Variants in INPP5F observed in about 807,000 individuals in gnomAD.
INPP5F encodes phosphatidylinositide 4-phosphatase SAC2.
Under a neutral mutation model 137.2 loss-of-function variants are expected in INPP5F, and 97 were observed. The ratio of observed to expected loss-of-function variants is 0.71; its 90% CI spans 0.60 to 0.84. INPP5F has a LOEUF of 0.84. Among genes scored for constraint, INPP5F ranks in the 40% least tolerant of loss-of-function variants. INPP5F has a pLI of 0.00. For missense variants in INPP5F, 1,271 were observed against 1,371.9 expected, an observed-to-expected ratio of 0.93 and a Z score of 1.16; for synonymous variants, 504 against 476.9, an observed-to-expected ratio of 1.06 and a Z score of -0.74.
At chr10:119,745,082 T>C (rs1026548996) in intron 1 of INPP5F, among the ~76,000 whole-genome samples, 6 of 152,166 alleles carry the variant, frequency 3.9e-5, no homozygotes, top group East Asian at 1.9e-4. Context: ...AAAAGGGTAT[T>C]GAATGAGGAG....
At chr10:119,739,515 A>G (rs1461896152) in intron 1 of INPP5F, among the ~76,000 whole-genome samples, 3 of 152,234 alleles carry the variant, frequency 2.0e-5, no homozygotes, top group Admixed American at 6.5e-5. Context: ...TTGTTCAATA[A>G]CTATTGAATG....
intron 16 of INPP5F, 85 bp from the exon 17 acceptor site, chr10:119,822,344 AAC>A: frequency 4.8e-6 from 3 of 621,646 alleles, no homozygotes; most frequent in Non-Finnish European, 8.5e-6. Context: ...AACTGTATGT[AAC>A]AGTTTGCAGC....
In INPP5F at chr10:119,726,203, G is replaced by T; in HGVS notation, c.-60G>T. On this transcript the variant is annotated 5_prime_UTR_variant, in exon 1 of 20. Coordinates refer to ENST00000650623, the MANE Select transcript of INPP5F (RefSeq NM_014937.4). ...GGCGCGGGCTCTGGCGGCCTCGACC[G>T]ACTAGGACGCCCCGTGCGCCGCCCG... 2 of 1,158,792 alleles carry T rather than the reference G, an allele frequency of 1.7e-6. No homozygotes were observed. The highest frequency in any genetic ancestry group is 1.9e-5 in the South Asian group (1 of 52,446). 71.8% of individuals were successfully genotyped at this position (1,158,792 alleles called of 1,614,324 possible). A position where few individuals can be genotyped will look rare whatever the true frequency, so the allele number is the denominator to read the frequency against.
chr10:119,782,906 G>A (rs1201175970), intron 3 of INPP5F, among the ~76,000 whole-genome samples: 8 of 152,032 alleles, frequency 5.3e-5, no homozygotes, highest in African/African-American at 1.9e-4. Context: ...TTGGGGACAG[G>A]GTTAAATTGC....
rs970690831 is a variant in INPP5F at position 119,828,199 on chromosome 10, A to G, written c.*419A>G. 1 of 155,512 alleles carries G rather than the reference A, an allele frequency of 6.4e-6. No individual in the cohort carries two copies. The highest frequency in any genetic ancestry group is 2.4e-5 in the African/African-American group (1 of 41,490). 9.6% of individuals were successfully genotyped at this position (155,512 alleles called of 1,614,324 possible). ...GTGTGTTCTTACCTCTACAAAGTAA[A>G]TTACACATTTAGTTTTTAGTGACTT... On this transcript the variant is annotated 3_prime_UTR_variant, in exon 20 of 20. Coordinates refer to ENST00000650623, the MANE Select transcript of INPP5F (RefSeq NM_014937.4).
intron 2 of INPP5F, among the ~76,000 whole-genome samples, chr10:119,773,717 C>G (rs1293867961): frequency 1.3e-5 from 2 of 152,026 alleles, no homozygotes; most frequent in African/African-American, 4.8e-5. Context: ...GCTCTGTCTC[C>G]AATGTTGGGT....
intron 6 of INPP5F, among the ~76,000 whole-genome samples, chr10:119,795,732 G>A (rs960667782): frequency 6.6e-6 from 1 of 152,112 alleles, no homozygotes; most frequent in African/African-American, 2.4e-5. Flanking sequence ...CAGGCTGCTG[G>A]GAGGTGGAGG....
At chr10:119,792,567 G>GT (rs397847812) in intron 6 of INPP5F, among the ~76,000 whole-genome samples, 23,654 of 124,554 alleles carry the variant, frequency 0.19, 2,285 homozygotes, top group Middle Eastern at 0.26. Flanking sequence ...AATGGTACCA[G>GT]TTTTTTTTTT....
At position 119,811,868 on chromosome 10, in the gene INPP5F, G is replaced by C. The variant is rs756640286; in HGVS notation, c.1799G>C (p.Ser600Thr). 6.2e-7 allele frequency: 1 copy of C among 1,614,150 alleles called. No homozygotes were observed. Among genetic ancestry groups the C allele is most frequent in the Non-Finnish European group, 8.5e-7 (1 of 1,179,986 alleles). ...CAGAGAAGCCACCAGGAACTAATTAGCCAGCTCTTACAAAGTTACATGAAG... is the reference window on the plus strand; with the variant it reads ...CAGAGAAGCCACCAGGAACTAATTACCCAGCTCTTACAAAGTTACATGAAG... Reference protein sequence around the residue: ...ENQRSHQELISQLLQSYMKLL... With the variant: ...ENQRSHQELITQLLQSYMKLL... The change falls in exon 15 of 20, where the codon AGC (serine) becomes ACC (threonine). Residue 600 changes from serine (S) to threonine (T), a missense_variant. Transcript: ENST00000650623.
intron 1 of INPP5F, among the ~76,000 whole-genome samples, chr10:119,744,348 T>C (rs932587029): frequency 6.6e-6 from 1 of 152,232 alleles, no homozygotes; most frequent in Non-Finnish European, 1.5e-5. Flanking sequence ...AAGACGACTT[T>C]GACTCCTGTT....
At chr10:119,807,228 G>A (rs1404332631) in intron 12 of INPP5F, among the ~76,000 whole-genome samples, 1 of 152,116 alleles carries the variant, frequency 6.6e-6, no homozygotes, top group African/African-American at 2.4e-5. Context: ...AGCCCAGATC[G>A]TGCCACTGCA....
intron 3 of INPP5F, among the ~76,000 whole-genome samples, chr10:119,788,861 A>G (rs1850021675): frequency 6.6e-6 from 1 of 152,198 alleles, no homozygotes; most frequent in South Asian, 2.1e-4. Context: ...GCTGTTGCAC[A>G]TTTACTTGAA....
At chr10:119,728,150 C>T (rs1468615738) in intron 1 of INPP5F, among the ~76,000 whole-genome samples, 1 of 152,184 alleles carries the variant, frequency 6.6e-6, no homozygotes, top group Non-Finnish European at 1.5e-5. Flanking sequence ...TAGCTATAGC[C>T]TTTGCACTTG....
rs983811887 is a variant in INPP5F at position 119,827,243 on chromosome 10, G to A, written c.2862G>A (p.Lys954=). 22 of 1,614,020 alleles carry A rather than the reference G, an allele frequency of 1.4e-5. No homozygotes were observed. In the African/African-American group the frequency reaches 2.5e-4, roughly 19 times the overall value. ...TACACATATTGACTGGCTTTGCCAA[G>A]CCTATGGATATTTACTGCCACAGAT... ...GDVHILTGFA[K]PMDIYCHRFV... is the part of the protein sequence containing the mutation. Residue 954 remains lysine (K), a synonymous_variant, in exon 20 of 20, where the codon AAG becomes AAA. Coordinates refer to ENST00000650623, the MANE Select transcript of INPP5F (RefSeq NM_014937.4).
intron 3 of INPP5F, among the ~76,000 whole-genome samples, chr10:119,782,345 G>T (rs1421830239): frequency 6.6e-6 from 1 of 152,146 alleles, no homozygotes; most frequent in Non-Finnish European, 1.5e-5. Context: ...TTACCACAAG[G>T]TGCTGCCTCC....
intron 2 of INPP5F, among the ~76,000 whole-genome samples, chr10:119,755,480 G>A (rs1175530098): frequency 2.0e-5 from 3 of 152,166 alleles, no homozygotes; most frequent in Non-Finnish European, 4.4e-5. Context: ...CGAAGACCCT[G>A]TCTCTAAATA....
At chr10:119,780,448 A>G (rs1564825162) in intron 2 of INPP5F, among the ~76,000 whole-genome samples, 1 of 152,112 alleles carries the variant, frequency 6.6e-6, no homozygotes, top group African/African-American at 2.4e-5. Context: ...ATGGTGGTGT[A>G]TGCCTGTGTT....
intron 2 of INPP5F, among the ~76,000 whole-genome samples, chr10:119,770,785 G>A (rs969954045): frequency 2.6e-5 from 4 of 152,124 alleles, no homozygotes; most frequent in African/African-American, 9.7e-5. Flanking sequence ...TTTCACTAGT[G>A]TTGATACATT....
chr10:119,811,429 C>T (rs1219643990), intron 14 of INPP5F, among the ~76,000 whole-genome samples: 2 of 151,926 alleles, frequency 1.3e-5, no homozygotes, highest in Admixed American at 6.6e-5. Flanking sequence ...TTTACAATTG[C>T]CTTATCTTTT....
Sources: gnomAD v4.1 joint callset for allele counts (sites outside exome capture counted in the v4.1 genomes callset) on GRCh38, gnomAD v4.1.1 for gene constraint, MANE v1.5 for transcripts, NCBI Gene and HGNC (gene_info 2026-07-23, HGNC 2026-07-21) for gene names.